The following TNRC6A variants were observed in gnomAD, a reference collection of about 807,000 sequenced individuals.
The protein encoded by TNRC6A is trinucleotide repeat-containing gene 6A protein.
In TNRC6A, 44 loss-of-function variants were observed where a neutral mutation model predicts 221.2. That is an observed-to-expected ratio of 0.20 (90% CI 0.16 to 0.26). The LOEUF (loss-of-function observed/expected upper bound fraction) is 0.26. TNRC6A is among the 10% of genes least tolerant of loss of function. The probability of loss-of-function intolerance (pLI) is 1.00; values close to 1 mark genes in which losing one functional copy is unlikely to be tolerated. For synonymous variants in TNRC6A, 847 were observed against 838.5 expected (o/e 1.01, Z -0.18); for missense variants, 2,199 against 2,404.4 (o/e 0.91, Z 1.79).
chr16:24,815,340 T>C (rs369133042), intron 19 of TNRC6A, 35 bp downstream of exon 19: 7 of 1,607,714 alleles, frequency 4.4e-6, no homozygotes, highest in Non-Finnish European at 6.0e-6. Flanking sequence ...TTCATGAGAC[T>C]GTGTTTCCAT....
chr16:24,766,721 C>T (rs1374164538), intron 4 of TNRC6A, among the ~76,000 whole-genome samples: 1 of 144,962 alleles, frequency 6.9e-6, no homozygotes, highest in African/African-American at 2.6e-5. Flanking sequence ...CTGTCGCCCA[C>T]GCTGGAGTGC....
chr16:24,741,396 G>C (rs1271911075), intron 2 of TNRC6A, among the ~76,000 whole-genome samples: 1 of 152,154 alleles, frequency 6.6e-6, no homozygotes, highest in Non-Finnish European at 1.5e-5. Flanking sequence ...AAATCATCAT[G>C]TAGCTTTGTC....
At chr16:24,786,293 GTTT>G in intron 5 of TNRC6A, among the ~76,000 whole-genome samples, 1 of 149,152 alleles carries the variant, frequency 6.7e-6, no homozygotes, top group East Asian at 2.0e-4. Flanking sequence ...GTCCTTTTTT[GTTT>G]TTTTTTGTTG....
chr16:24,739,342 T>G (rs2056841264), intron 2 of TNRC6A, among the ~76,000 whole-genome samples: 1 of 152,196 alleles, frequency 6.6e-6, no homozygotes, highest in South Asian at 2.1e-4. Flanking sequence ...AAGTGGCCAT[T>G]CAGATTCTTC....
At chr16:24,799,360 C>T (rs17177078) in intron 11 of TNRC6A, among the ~76,000 whole-genome samples, 6,845 of 152,270 alleles carry the variant, frequency 0.045, 204 homozygotes, top group Middle Eastern at 0.099. Flanking sequence ...ATGTACTCTT[C>T]TGCACGCATT....
In TNRC6A at chr16:24,789,231, G is replaced by C; in HGVS notation, c.590-1G>C. ...ATAGTTGTACTTCTCCTTTATCCTA[G>C]ATATAAACCACAGTACTTCAGGATC... On this transcript the variant is annotated splice_acceptor_variant, in intron 5 of 24. Coordinates refer to ENST00000395799, the MANE Select transcript of TNRC6A (RefSeq NM_014494.4). LOFTEE classifies it high-confidence loss of function. 1 of 1,576,630 alleles carries C rather than the reference G, an allele frequency of 6.3e-7. No homozygotes were observed. The highest frequency in any genetic ancestry group is 8.6e-7 in the Non-Finnish European group (1 of 1,162,928).
intron 2 of TNRC6A, chr16:24,663,710 C>A: frequency 2.9e-6 from 1 of 339,746 alleles, no homozygotes; most frequent in Admixed American, 3.9e-5. Flanking sequence ...CAAAACACTG[C>A]CAACCAGGGG....
chr16:24,735,790 A>G (rs959005257), intron 2 of TNRC6A, among the ~76,000 whole-genome samples: 31 of 152,258 alleles, frequency 2.0e-4, no homozygotes, highest in Admixed American at 1.7e-3. Flanking sequence ...CTAAAATGGT[A>G]TGCGTTATAT....
At position 24,791,273 on chromosome 16, in the gene TNRC6A, T is replaced by TAGTGAC. The variant is rs1404960219; in HGVS notation, c.2640_2645dup (p.Ser880_Asp881dup). ...CCAATAAGAAATCCAGCTCAGGAGGTAGTGACAGTGACAGGTCCGTTTCCG... is the reference window on the plus strand; with the variant it reads ...CCAATAAGAAATCCAGCTCAGGAGGTAGTGACAGTGACAGTGACAGGTCCGTTTCCG... On this transcript the variant is annotated inframe_insertion, in exon 6 of 25. Coordinates refer to ENST00000395799, the MANE Select transcript of TNRC6A (RefSeq NM_014494.4). The TAGTGAC allele has an allele frequency of 6.2e-7, 1 of 1,613,650 alleles. No individual in the cohort carries two copies. Among genetic ancestry groups the TAGTGAC allele is most frequent in the Non-Finnish European group, 8.5e-7 (1 of 1,179,866 alleles).
At position 24,800,383 on chromosome 16, in the gene TNRC6A, C is replaced by T. The variant is rs184938016; in HGVS notation, c.3694+2417C>T. Among the ~76,000 whole-genome samples the T allele has an allele frequency of 5.1e-3, 779 of 152,312 alleles. 11 individuals carry two copies. The highest frequency in any genetic ancestry group is 0.018 in the African/African-American group (741 of 41,558). On this transcript the variant is annotated intron_variant, in intron 11 of 24. Transcript: ENST00000395799. Reference sequence around the variant, plus strand: ...TTAGTAAGCCTATTAATTTGGTTAGCTACTTTCAGGCAATGGCATATATGG... The same window carrying T: ...TTAGTAAGCCTATTAATTTGGTTAGTTACTTTCAGGCAATGGCATATATGG...
At chr16:24,759,005 T>C (rs936826609) in intron 4 of TNRC6A, among the ~76,000 whole-genome samples, 1 of 152,124 alleles carries the variant, frequency 6.6e-6, no homozygotes, top group Non-Finnish European at 1.5e-5. Flanking sequence ...GCTGAACTTA[T>C]TAAGCCTCAA....
At chr16:24,792,613 C>CTTTTTTTTTTGT (rs2058129704) in intron 6 of TNRC6A, among the ~76,000 whole-genome samples, 1 of 56,512 alleles carries the variant, frequency 1.8e-5, no homozygotes, top group African/African-American at 8.1e-5. Context: ...ACATTTATGG[C>CTTTTTTTTTTGT]TTTTTTTTTT....
chr16:24,791,773 C>T lies in TNRC6A; in HGVS notation c.3131C>T (p.Thr1044Met), dbSNP rs766162498. ...CAAGCACAGGTACATCAGCTGCTAACGCCTGCAAGTGCCATCTCAAACAAA... is the reference window on the plus strand; with the variant it reads ...CAAGCACAGGTACATCAGCTGCTAATGCCTGCAAGTGCCATCTCAAACAAA... ...DQQAQVHQLLTPASAISNKEA... is the reference protein window; with the variant it reads ...DQQAQVHQLLMPASAISNKEA... Residue 1044 changes from threonine to methionine, a missense_variant, in exon 6 of 25, where the codon ACG (threonine) becomes ATG (methionine). By Grantham distance (81) the Thr-to-Met change is moderately conservative. This residue lies in a region of TNRC6A where 1,405 missense variants were observed against 1,400.2 expected (regional missense o/e 1.00). Transcript: ENST00000395799. 2.2e-5 allele frequency: 35 copies of T among 1,583,076 alleles called. No homozygotes were observed. Among genetic ancestry groups the T allele is most frequent in the Non-Finnish European group, 2.7e-5 (32 of 1,168,298 alleles).
At chr16:24,811,236 A>G (rs2058537344) in intron 18 of TNRC6A, among the ~76,000 whole-genome samples, 1 of 152,174 alleles carries the variant, frequency 6.6e-6, no homozygotes, top group African/African-American at 2.4e-5. Context: ...GCACACCTAC[A>G]GTAAGAAAAG....
At chr16:24,745,183 T>A (rs1248837931) in intron 2 of TNRC6A, among the ~76,000 whole-genome samples, 2 of 152,220 alleles carry the variant, frequency 1.3e-5, no homozygotes, top group Non-Finnish European at 2.9e-5. Context: ...TTTATCCTAT[T>A]CTCTTCATTT....
At chr16:24,746,597 C>T (rs1347704634) in intron 2 of TNRC6A, among the ~76,000 whole-genome samples, 1 of 152,150 alleles carries the variant, frequency 6.6e-6, no homozygotes, top group African/African-American at 2.4e-5. Context: ...CGGTGTCTAT[C>T]TTTGTACGGT....
At chr16:24,816,648 C>T in intron 19 of TNRC6A, 168 bp from the exon 20 acceptor site, 8 of 782,478 alleles carry the variant, frequency 1.0e-5, no homozygotes, top group Non-Finnish European at 1.5e-5. Context: ...TAAAGAATAG[C>T]TTCTATAATA....
chr16:24,675,688 CTCTCTCTCTCTCTCTA>C (rs2055398659), intron 2 of TNRC6A, among the ~76,000 whole-genome samples: 5 of 86,140 alleles, frequency 5.8e-5, no homozygotes, highest in African/African-American at 9.9e-5. Flanking sequence ...CTCTCTCTCT[CTCTCTCTCTCTCTCTA>C]TATATATATA....
intron 2 of TNRC6A, among the ~76,000 whole-genome samples, chr16:24,648,020 G>A (rs766837840): frequency 2.0e-5 from 3 of 151,998 alleles, no homozygotes; most frequent in African/African-American, 7.2e-5. Flanking sequence ...ATGTCTTCAC[G>A]GTTCATCCAT....
Sources: gnomAD v4.1 joint callset for allele counts (sites outside exome capture counted in the v4.1 genomes callset) on GRCh38, gnomAD v4.1.1 for gene constraint, gnomAD v4.1.1 regional missense constraint, MANE v1.5 for transcripts, NCBI Gene and HGNC (gene_info 2026-07-23, HGNC 2026-07-21) for gene names.